WDPCP: variants seen among roughly 807,000 people sequenced by gnomAD.
The protein encoded by WDPCP is WD repeat containing planar cell polarity effector.
In WDPCP, 71 loss-of-function variants were observed where a neutral mutation model predicts 93.1. That is an observed-to-expected ratio of 0.76 (90% CI 0.63 to 0.93). WDPCP has a LOEUF of 0.93. Among genes scored for constraint, WDPCP ranks in the 40% least tolerant of loss-of-function variants. The pLI is 0.00. For synonymous variants in WDPCP, 315 were observed against 315.0 expected (o/e 1.00, Z 0.00); for missense variants, 844 against 887.4 (o/e 0.95, Z 0.62).
chr2:63,676,267 G>A (rs1710402636), intron 2 of WDPCP, among the ~76,000 whole-genome samples: 1 of 152,232 alleles, frequency 6.6e-6, no homozygotes, highest in South Asian at 2.1e-4. Context: ...CAAGGCAATT[G>A]CTAATTCTGA....
chr2:63,761,957 G>A (rs946850589), intron 2 of WDPCP, among the ~76,000 whole-genome samples: 1 of 151,870 alleles, frequency 6.6e-6, no homozygotes, highest in African/African-American at 2.4e-5. Flanking sequence ...CTAATTCCTG[G>A]ACAATAATAC....
intron 14 of WDPCP, among the ~76,000 whole-genome samples, chr2:63,199,426 C>T (rs1425467456): frequency 1.3e-5 from 2 of 152,230 alleles, no homozygotes. Flanking sequence ...AGGCCCGGGG[C>T]CCTGCTGCTC....
intron 3 of WDPCP, among the ~76,000 whole-genome samples, chr2:63,620,441 G>C (rs536699574): frequency 6.6e-6 from 1 of 152,314 alleles, no homozygotes; most frequent in East Asian, 1.9e-4. Context: ...CTGCAGCTTG[G>C]CAAAGCCACT....
intron 9 of WDPCP, among the ~76,000 whole-genome samples, chr2:63,416,796 A>G (rs1403788849): frequency 9.9e-5 from 15 of 152,206 alleles, no homozygotes; most frequent in Non-Finnish European, 4.4e-5. Context: ...TGCTGGGATT[A>G]CAGGTGTAGG....
intron 10 of WDPCP, among the ~76,000 whole-genome samples, chr2:63,396,432 C>T (rs968252418): frequency 6.6e-6 from 1 of 152,116 alleles, no homozygotes; most frequent in Non-Finnish European, 1.5e-5. Flanking sequence ...CTTTAATTAC[C>T]TCTTGTTTAA....
chr2:63,235,572 T>C (rs930399995), intron 14 of WDPCP, among the ~76,000 whole-genome samples: 27 of 152,132 alleles, frequency 1.8e-4, no homozygotes, highest in Non-Finnish European at 3.7e-4. Context: ...CCAACATCCC[T>C]GATGAACATA....
intron 6 of WDPCP, among the ~76,000 whole-genome samples, chr2:63,458,592 G>A (rs1698797840): frequency 6.6e-6 from 1 of 151,970 alleles, no homozygotes; most frequent in South Asian, 2.1e-4. Flanking sequence ...AACTGAAGAG[G>A]ACACAAACAA....
At chr2:63,368,175 T>C (rs1447116544) in intron 12 of WDPCP, among the ~76,000 whole-genome samples, 2 of 152,086 alleles carry the variant, frequency 1.3e-5, no homozygotes, top group African/African-American at 4.8e-5. Context: ...TCAAAAGAAA[T>C]GAGTTGTACT....
At chr2:63,197,314 T>C (rs74181283) in intron 14 of WDPCP, among the ~76,000 whole-genome samples, 4,379 of 152,304 alleles carry the variant, frequency 0.029, 85 homozygotes, top group South Asian at 0.044. Flanking sequence ...AGATAGTATA[T>C]AATATAACAT....
intron 6 of WDPCP, among the ~76,000 whole-genome samples, chr2:63,467,689 T>C (rs994345570): frequency 6.8e-6 from 1 of 147,256 alleles, no homozygotes; most frequent in African/African-American, 2.5e-5. Context: ...GGCAGGAGAA[T>C]TGCTAGAACT....
At chr2:63,808,169 C>T (rs1670795049) in intron 2 of WDPCP, among the ~76,000 whole-genome samples, 1 of 152,142 alleles carries the variant, frequency 6.6e-6, no homozygotes, top group Non-Finnish European at 1.5e-5. Flanking sequence ...AATAGAAATG[C>T]TATTTAGGAC....
intron 13 of WDPCP, among the ~76,000 whole-genome samples, chr2:63,285,934 A>C (rs939290530): frequency 1.3e-5 from 2 of 152,194 alleles, no homozygotes; most frequent in Non-Finnish European, 2.9e-5. Context: ...CAAGAGCAAA[A>C]TATACATTCT....
At chr2:63,142,868 A>G (rs1671190239) in intron 17 of WDPCP, among the ~76,000 whole-genome samples, 1 of 151,284 alleles carries the variant, frequency 6.6e-6, no homozygotes, top group African/African-American at 2.4e-5. Flanking sequence ...ATATATACAC[A>G]CATACATATA....
At chr2:63,796,914 C>T (rs1217170600) in intron 2 of WDPCP, among the ~76,000 whole-genome samples, 1 of 152,128 alleles carries the variant, frequency 6.6e-6, no homozygotes. Context: ...CCAGGAAGCG[C>T]AGCTTGCAGC....
intron 10 of WDPCP, among the ~76,000 whole-genome samples, chr2:63,403,389 TAACA>T (rs1416799481): frequency 2.0e-5 from 3 of 151,748 alleles, no homozygotes; most frequent in Non-Finnish European, 2.9e-5. Flanking sequence ...TTTACCTATA[TAACA>T]AACCTGCATG....
At chr2:63,832,412 G>A (rs967293168), upstream of WDPCP, among the ~76,000 whole-genome samples, 13 of 151,886 alleles carry the variant, frequency 8.6e-5, no homozygotes, top group African/African-American at 2.9e-4. Context: ...GGCCAACACA[G>A]ACTCCAGGTG....
intron 2 of WDPCP, chr2:63,752,563 T>G (rs774787887): frequency 3.0e-6 from 2 of 657,054 alleles, no homozygotes; most frequent in Non-Finnish European, 5.5e-6. Context: ...TCTCATCAGT[T>G]GTTTCAAAGC....
chr2:63,702,837 C>T (rs1375744377), intron 2 of WDPCP, among the ~76,000 whole-genome samples: 1 of 151,726 alleles, frequency 6.6e-6, no homozygotes, highest in African/African-American at 2.4e-5. Flanking sequence ...CGTCATTTAG[C>T]ATTGGGTATA....
chr2:63,810,370 A>G (rs1670847051), intron 2 of WDPCP, among the ~76,000 whole-genome samples: 1 of 152,270 alleles, frequency 6.6e-6, no homozygotes, highest in Non-Finnish European at 1.5e-5. Flanking sequence ...ACAGGCATAT[A>G]AAAAGTTATA....
Sources: gnomAD v4.1 joint callset for allele counts (sites outside exome capture counted in the v4.1 genomes callset) on GRCh38, gnomAD v4.1.1 for gene constraint, MANE v1.5 for transcripts, NCBI Gene and HGNC (gene_info 2026-07-23, HGNC 2026-07-21) for gene names.